The following CLCN4 variants were observed in gnomAD, a reference collection of about 807,000 sequenced individuals.
The protein encoded by CLCN4 is Cl-/H+ antiporter 4, also known as H(+)/Cl(-) exchange transporter 4.
Under a neutral mutation model 41.7 loss-of-function variants are expected in CLCN4, and 1 was observed. That is an observed-to-expected ratio of 0.02 (90% confidence interval 0.01 to 0.11). The LOEUF (loss-of-function observed/expected upper bound fraction) is 0.11. CLCN4 is among the 10% of genes least tolerant of loss of function. CLCN4 has a pLI of 1.00. For synonymous variants in CLCN4, 277 were observed against 285.8 expected (o/e 0.97, Z 0.31); for missense variants, 287 against 661.0 (o/e 0.43, Z 6.20).
chrX:10,163,732 T>G (rs1923171817), intron 2 of CLCN4, among the ~76,000 whole-genome samples: 1 of 112,004 alleles, frequency 8.9e-6, no homozygotes, highest in South Asian at 3.7e-4. Flanking sequence ...ATTCAGCAAA[T>G]ATTCCTTGGG....
chrX:10,214,149 C>G, intron 11 of CLCN4, 70 bp downstream of exon 11: 1 of 1,049,544 alleles, frequency 9.5e-7, no homozygotes, highest in Non-Finnish European at 1.3e-6. Context: ...CTAACATTAT[C>G]CAAGATTTTT....
chrX:10,233,381 T>C (rs1925171018), intron 12 of CLCN4, 113 bp from the exon 13 acceptor site: 3 of 535,098 alleles, frequency 5.6e-6, no homozygotes, highest in South Asian at 3.0e-5. Context: ...CAAGGGAGGC[T>C]GGGAAATGTT....
intron 2 of CLCN4, among the ~76,000 whole-genome samples, chrX:10,184,104 G>C (rs1265384784): frequency 8.9e-6 from 1 of 112,246 alleles, no homozygotes; most frequent in African/African-American, 3.2e-5. Context: ...AATCACATAG[G>C]CTGCCTGCCT....
intron 2 of CLCN4, among the ~76,000 whole-genome samples, chrX:10,183,694 A>T (rs1246616340): frequency 8.9e-6 from 1 of 112,106 alleles, no homozygotes; most frequent in African/African-American, 3.2e-5. Context: ...TCAGGCTCTG[A>T]TGGTGGGAGA....
chrX:10,212,964 C>T (rs1476093356), intron 10 of CLCN4, among the ~76,000 whole-genome samples: 2 of 111,897 alleles, frequency 1.8e-5, no homozygotes, highest in Non-Finnish European at 3.8e-5. Context: ...ACCTACCAAA[C>T]GTTGTAGCTT....
chrX:10,218,256 C>G (rs1924778291), intron 11 of CLCN4, among the ~76,000 whole-genome samples: 1 of 112,355 alleles, frequency 8.9e-6, no homozygotes, highest in South Asian at 3.7e-4. Context: ...TAAAAAGCCA[C>G]CTACATTCTT....
rs201382776 is a variant in CLCN4, at chrX:10,181,360, AAAAAG to A, written c.-11-3658_-11-3654del. ...GGTGACAGAGTGAGACCCTGAAAAA[AAAAAG>A]AAAGAAAAGAAAGAAAAAGAAAAGA... On this transcript the variant is annotated intron_variant, in intron 2 of 12. Coordinates refer to ENST00000380833, the MANE Select transcript of CLCN4 (RefSeq NM_001830.4). Among the ~76,000 whole-genome samples the A allele has an allele frequency of 7.6e-4, 69 of 91,270 alleles. 2 individuals carry two copies. In the East Asian group the frequency reaches 0.011, roughly 14 times the overall value. 79.3% of individuals were successfully genotyped at this position (91,270 alleles called of 115,157 possible).
chrX:10,174,420 C>T lies in CLCN4; in HGVS notation c.-11-10602C>T, dbSNP rs376091406. On this transcript the variant is annotated intron_variant, in intron 2 of 12. Transcript: ENST00000380833. ...TTTGGACCACTCTAGCAGCCCTTTA[C>T]GGACCCAAGTCCTCCGCTGACCCTT... Among the ~76,000 whole-genome samples the T allele has an allele frequency of 1.1e-3, 121 of 112,687 alleles. 1 individual carries two copies. The South Asian group carries it at 0.04, about 37-fold the overall frequency.
In CLCN4 at chrX:10,221,322, A is replaced by G. The variant is rs531306263; in HGVS notation, c.2192+445A>G. ...TAGGTACACAACAGTCAAAAACTTC[A>G]TCAGTGATATATGACATAAAAGAGG... On this transcript the variant is annotated intron_variant, in intron 12 of 12. Coordinates refer to ENST00000380833, the MANE Select transcript of CLCN4 (RefSeq NM_001830.4). Among the ~76,000 whole-genome samples the G allele has an allele frequency of 3.6e-5, 4 of 111,779 alleles. No homozygotes were observed. In the South Asian group the frequency reaches 1.5e-3, roughly 42 times the overall value.
rs758186708 is a variant in CLCN4 at position 10,233,920 on chromosome X, T to C, written c.*336T>C. 1 of 167,205 alleles carries C rather than the reference T, an allele frequency of 6.0e-6. No homozygotes were observed. The highest frequency in any genetic ancestry group is 1.1e-5 in the Non-Finnish European group (1 of 88,944). 13.8% of individuals were successfully genotyped at this position (167,205 alleles called of 1,213,427 possible). A position where few individuals can be genotyped will look rare whatever the true frequency, so the allele number is the denominator to read the frequency against. ...TGCTGACTCAAGAAACTTTTACTCC[T>C]TCTGCTCAAGGCTGATGTTTGTAAC... On this transcript the variant is annotated 3_prime_UTR_variant, in exon 13 of 13. Coordinates refer to ENST00000380833, the MANE Select transcript of CLCN4 (RefSeq NM_001830.4).
At chrX:10,225,937 A>G (rs1266006747) in intron 12 of CLCN4, among the ~76,000 whole-genome samples, 2 of 111,360 alleles carry the variant, frequency 1.8e-5, no homozygotes, top group Non-Finnish European at 3.8e-5. Flanking sequence ...ATTCTGTTCC[A>G]TTGATCTATG....
At position 10,211,265 on chromosome X, in the gene CLCN4, CAAAAAA is replaced by C. The variant is rs71774120; in HGVS notation, c.1390-1184_1390-1179del. Among the ~76,000 whole-genome samples, 34 of 48,810 alleles carry C rather than the reference CAAAAAA, an allele frequency of 7.0e-4. No homozygotes were observed. In the South Asian group the frequency reaches 0.01, roughly 15 times the overall value. The allele number at this position is 48,810 out of a possible 115,157, so 42.4% of individuals were successfully genotyped here. A position where few individuals can be genotyped will look rare whatever the true frequency, so the allele number is the denominator to read the frequency against. On this transcript the variant is annotated intron_variant, in intron 9 of 12. Transcript: ENST00000380833. Reference sequence around the variant, plus strand: ...TGGGCGACAGAGCGAGATTCCGTCTCAAAAAAAAAAAAAAAAAAAAAAAGAAAAAAA... The same window carrying C: ...TGGGCGACAGAGCGAGATTCCGTCTCAAAAAAAAAAAAAAAAAGAAAAAAA...
In CLCN4 at chrX:10,194,823, G is replaced by T; in HGVS notation, c.245-88G>T. 6 of 910,465 alleles carry T rather than the reference G, an allele frequency of 6.6e-6. No individual in the cohort carries two copies. The South Asian group carries it at 1.3e-4, about 20-fold the overall frequency. The allele number at this position is 910,465 out of a possible 1,213,427, so 75.0% of individuals were successfully genotyped here. ...CTCTGGAATCTGGGCCATCATTGCT[G>T]ATGTGCCCCTGTCTGGCCGCCGTGT... On this transcript the variant is annotated intron_variant, in intron 4 of 12. Transcript: ENST00000380833.
intron 2 of CLCN4, among the ~76,000 whole-genome samples, chrX:10,167,090 C>T (rs1342175496): frequency 1.8e-5 from 2 of 112,472 alleles, no homozygotes; most frequent in Non-Finnish European, 3.8e-5. Context: ...AAGGAAGTGT[C>T]TCCGCTGGTT....
intron 3 of CLCN4, 21 bp from the exon 4 acceptor site, chrX:10,187,494 G>T (rs762246952): frequency 3.6e-6 from 4 of 1,125,745 alleles, no homozygotes; most frequent in Non-Finnish European, 4.9e-6. Context: ...CGGATCAGTT[G>T]CTGTATCTGC....
intron 7 of CLCN4, 37 bp from the exon 8 acceptor site, chrX:10,206,659 A>G: frequency 8.4e-7 from 1 of 1,188,256 alleles, no homozygotes; most frequent in Non-Finnish European, 1.1e-6. Context: ...TTTTCATGGA[A>G]GGCCTTGAAG....
Position 10,213,864 on chromosome X carries a change from A to G in CLCN4, c.1760A>G (p.Lys587Arg), listed in dbSNP as rs1924634856. The change falls in exon 11 of 13, where the codon AAG becomes AGG. Residue 587 changes from lysine to arginine, a missense_variant. Lys to Arg is a conservative substitution (Grantham distance 26). Around this residue, in one of 6 missense-constraint regions of CLCN4, gnomAD observed 10 missense variants for 67.7 expected, o/e 0.15. Coordinates refer to ENST00000380833, the MANE Select transcript of CLCN4 (RefSeq NM_001830.4). Reference protein sequence around the residue: ...HLNGYPFLDVKDEFTHRTLAT... With the variant: ...HLNGYPFLDVRDEFTHRTLAT... ...AATGGGTACCCTTTCCTTGACGTGAAGGACGAGTTTACTCACCGCACACTG... is the reference window on the plus strand; with the variant it reads ...AATGGGTACCCTTTCCTTGACGTGAGGGACGAGTTTACTCACCGCACACTG... 1 of 1,212,143 alleles carries G rather than the reference A, an allele frequency of 8.2e-7. No homozygotes were observed. The highest frequency in any genetic ancestry group is 1.1e-6 in the Non-Finnish European group (1 of 895,497).
At chrX:10,225,309 A>G (rs1924962573) in intron 12 of CLCN4, among the ~76,000 whole-genome samples, 1 of 112,471 alleles carries the variant, frequency 8.9e-6, no homozygotes, top group Admixed American at 9.4e-5. Context: ...GTGAGATGGC[A>G]TCTCATTGTG....
chrX:10,208,374 C>T lies in CLCN4; in HGVS notation c.1173C>T (p.Arg391=). Residue 391 remains arginine, a synonymous_variant, in exon 9 of 13, where the codon CGC becomes CGT. Transcript: ENST00000380833. ...AIIAYPNPYT[R]QSTSELISEL... ...TTGCCTACCCCAATCCCTACACACGCCAGAGCACCAGCGAGCTCATTTCTG... is the reference window on the plus strand; with the variant it reads ...TTGCCTACCCCAATCCCTACACACGTCAGAGCACCAGCGAGCTCATTTCTG... 8.3e-7 allele frequency: 1 copy of T among 1,211,073 alleles called. No individual in the cohort carries two copies. Among genetic ancestry groups the T allele is most frequent in the Non-Finnish European group, 1.1e-6 (1 of 895,227 alleles).
Sources: allele counts gnomAD v4.1 joint callset (sites outside exome capture counted in the v4.1 genomes callset), GRCh38; gene constraint gnomAD v4.1.1; regional missense constraint gnomAD v4.1.1; transcripts MANE v1.5; gene names NCBI Gene and HGNC (gene_info 2026-07-23, HGNC 2026-07-21).